The following CEP120 variants were observed in gnomAD, a reference collection of about 807,000 sequenced individuals.
CEP120 encodes the protein centrosomal protein 120, also known as centrosomal protein of 120 kDa.
Under a neutral mutation model 126.5 loss-of-function variants are expected in CEP120, and 113 were observed. The ratio of observed to expected loss-of-function variants is 0.89; its 90% CI spans 0.77 to 1.04. The LOEUF (loss-of-function observed/expected upper bound fraction) is 1.04. Ranked by LOEUF, CEP120 falls within the 50% of genes least tolerant of loss-of-function variation. The probability of loss-of-function intolerance (pLI) is 0.00; values close to 1 mark genes in which losing one functional copy is unlikely to be tolerated. For synonymous variants in CEP120, 400 were observed against 394.3 expected (o/e 1.01, Z -0.17); for missense variants, 1,230 against 1,155.7 (o/e 1.06, Z -0.93).
intron 13 of CEP120, 88 bp downstream of exon 13, chr5:123,382,649 G>A (rs1771728525): frequency 8.0e-7 from 1 of 1,250,670 alleles, no homozygotes; most frequent in Non-Finnish European, 1.1e-6. Flanking sequence ...GGTACCTACA[G>A]AACATAGAGA....
rs75744800 is a variant in CEP120, at chr5:123,386,676, T to TAAAAAAA, written c.1431-16_1431-10dup. 1.1e-5 allele frequency: 7 copies of TAAAAAAA among 611,052 alleles called. No individual in the cohort carries two copies. Among genetic ancestry groups the TAAAAAAA allele is most frequent in the African/African-American group, 2.7e-5 (1 of 36,488 alleles). 37.9% of individuals were successfully genotyped at this position (611,052 alleles called of 1,614,324 possible). A position where few individuals can be genotyped will look rare whatever the true frequency, so the allele number is the denominator to read the frequency against. ...AGAATGGATATGAGTACCTAGAATT[T>TAAAAAAA]AAAAAAAAAAAAAAAAAAAAAAGCC... On this transcript the variant is annotated splice_polypyrimidine_tract_variant and intron_variant, in intron 9 of 19. Transcript: ENST00000306467.
intron 5 of CEP120, among the ~76,000 whole-genome samples, chr5:123,395,763 G>A (rs1163792071): frequency 6.8e-6 from 1 of 148,116 alleles, no homozygotes; most frequent in Non-Finnish European, 1.5e-5. Flanking sequence ...CTCACTGCAA[G>A]CTCCGCCTCC....
At chr5:123,386,902 T>TA (rs1299903537) in intron 9 of CEP120, among the ~76,000 whole-genome samples, 1 of 152,146 alleles carries the variant, frequency 6.6e-6, no homozygotes, top group East Asian at 1.9e-4. Context: ...CTGCCATATA[T>TA]AAATATTCAA....
chr5:123,378,217 A>G (rs1396500872), intron 15 of CEP120, 119 bp downstream of exon 15: 5 of 635,316 alleles, frequency 7.9e-6, no homozygotes, highest in Middle Eastern at 2.6e-4. Flanking sequence ...TCTTATAAGC[A>G]GCCCATCCTG....
intron 18 of CEP120, among the ~76,000 whole-genome samples, chr5:123,350,869 T>A (rs1769156149): frequency 6.6e-6 from 1 of 152,178 alleles, no homozygotes; most frequent in Non-Finnish European, 1.5e-5. Context: ...ATAATGGATA[T>A]TCCATGACTT....
At position 123,391,114 on chromosome 5, in the gene CEP120, G is replaced by C; in HGVS notation, c.1034C>G (p.Ser345Cys). 2 of 1,610,896 alleles carry C rather than the reference G, an allele frequency of 1.2e-6. No individual in the cohort carries two copies. The highest frequency in any genetic ancestry group is 1.1e-5 in the South Asian group (1 of 90,818). The change falls in exon 7 of 20, where the codon TCC becomes TGC. Residue 345 changes from serine to cysteine, a missense_variant. Transcript: ENST00000306467. Reference protein sequence around the residue: ...SVALQREGIDSQSLIELKTQN... With the variant: ...SVALQREGIDCQSLIELKTQN... ...TGAAGGAGGGCCACTACTTGCCTGG[G>C]AGTCTATGCCTTCTCTCTGCAGAGC... is the stretch of plus-strand genomic sequence containing the variant.
chr5:123,357,778 A>C (rs370190813), intron 18 of CEP120, among the ~76,000 whole-genome samples: 4 of 152,272 alleles, frequency 2.6e-5, no homozygotes, highest in South Asian at 4.1e-4. Context: ...AAAGATGCTC[A>C]AAGTTATTAG....
intron 18 of CEP120, among the ~76,000 whole-genome samples, chr5:123,359,269 T>C (rs180791145): frequency 6.6e-6 from 1 of 152,130 alleles, no homozygotes; most frequent in Admixed American, 6.6e-5. Flanking sequence ...TAATTCTCTT[T>C]CCTGTCCTGG....
Position 123,365,056 on chromosome 5 carries a change from A to G in CEP120, c.2482-462T>C, listed in dbSNP as rs553129373. Among the ~76,000 whole-genome samples, 54 of 151,742 alleles carry G rather than the reference A, an allele frequency of 3.6e-4. 1 individual carries two copies. In the Middle Eastern group the frequency reaches 0.01, roughly 29 times the overall value. ...CCAGTAGAGATGCTTTTATAACTAT[A>G]TTTTGGCAAAATCATGAAACTCTGA... On this transcript the variant is annotated intron_variant, in intron 17 of 19. Coordinates refer to ENST00000306467, the MANE Select transcript of CEP120 (RefSeq NM_001375405.1).
chr5:123,413,579 T>C (rs974094726), intron 3 of CEP120, among the ~76,000 whole-genome samples: 5 of 152,188 alleles, frequency 3.3e-5, no homozygotes, highest in Non-Finnish European at 5.9e-5. Flanking sequence ...ATTTCAATAC[T>C]TGGAAACAGC....
chr5:123,404,899 G>A (rs1773539104), intron 4 of CEP120, among the ~76,000 whole-genome samples: 1 of 152,096 alleles, frequency 6.6e-6, no homozygotes, highest in African/African-American at 2.4e-5. Flanking sequence ...CAGAAGAGAT[G>A]TAATCACAAA....
chr5:123,408,094 TG>T (rs1225950000), intron 4 of CEP120, among the ~76,000 whole-genome samples: 16 of 152,326 alleles, frequency 1.1e-4, no homozygotes, highest in Admixed American at 9.8e-4. Flanking sequence ...ATAATTTCGC[TG>T]GGCACAGAAA....
chr5:123,405,052 G>A (rs1478219168), intron 4 of CEP120, among the ~76,000 whole-genome samples: 1 of 152,152 alleles, frequency 6.6e-6, no homozygotes, highest in Non-Finnish European at 1.5e-5. Flanking sequence ...AGCCCTAATA[G>A]CAAATAAAAA....
At chr5:123,362,189 C>G (rs886795085) in intron 18 of CEP120, among the ~76,000 whole-genome samples, 5 of 151,708 alleles carry the variant, frequency 3.3e-5, no homozygotes, top group African/African-American at 1.2e-4. Flanking sequence ...AGCTGCTTCT[C>G]TCTCAAAATC....
chr5:123,391,970 AAAAG>A (rs1281475827), intron 6 of CEP120, among the ~76,000 whole-genome samples: 1 of 152,142 alleles, frequency 6.6e-6, no homozygotes, highest in African/African-American at 2.4e-5. Flanking sequence ...AGTACAAAAA[AAAAG>A]ACTCTTCCAG....
intron 18 of CEP120, among the ~76,000 whole-genome samples, chr5:123,352,026 G>C (rs545574208): frequency 6.6e-5 from 10 of 152,050 alleles, no homozygotes; most frequent in Admixed American, 1.3e-4. Context: ...ATCTCATTGT[G>C]ATTTTATTTT....
intron 14 of CEP120, 108 bp downstream of exon 14, chr5:123,382,003 A>G (rs991836372): frequency 2.8e-6 from 2 of 705,696 alleles, no homozygotes; most frequent in South Asian, 2.1e-5. Context: ...ATGCCAACAT[A>G]TCACCACTAA....
At chr5:123,414,971 C>CAAAAA (rs56756568) in intron 3 of CEP120, among the ~76,000 whole-genome samples, 6 of 40,662 alleles carry the variant, frequency 1.5e-4, no homozygotes, top group Non-Finnish European at 2.4e-4. Flanking sequence ...GACTCCATCT[C>CAAAAA]AAAAAAAAAA....
At chr5:123,401,748 T>C in intron 4 of CEP120, 1 of 1,226,572 alleles carries the variant, frequency 8.2e-7, no homozygotes, top group South Asian at 1.2e-5. Context: ...TCATCCACAA[T>C]CCTTCTTGAT....
Sources: gnomAD v4.1 joint callset for allele counts (sites outside exome capture counted in the v4.1 genomes callset) on GRCh38, gnomAD v4.1.1 for gene constraint, MANE v1.5 for transcripts, NCBI Gene and HGNC (gene_info 2026-07-23, HGNC 2026-07-21) for gene names.